Variants in AUTS2 observed in about 807,000 individuals in gnomAD.
AUTS2 encodes activator of transcription and developmental regulator AUTS2.
Under a neutral mutation model 112.4 loss-of-function variants are expected in AUTS2, and 17 were observed. The observed-to-expected ratio is 0.15, with a 90% confidence interval of 0.10 to 0.23. The LOEUF (loss-of-function observed/expected upper bound fraction) is 0.23, where lower values mean the gene tolerates loss of function less well. AUTS2 is among the 10% of genes least tolerant of loss of function. AUTS2 has a pLI of 1.00. For synonymous variants in AUTS2, 751 were observed against 702.7 expected, an observed-to-expected ratio of 1.07 and a Z score of -1.09; for missense variants, 1,510 against 1,701.6, an observed-to-expected ratio of 0.89 and a Z score of 1.98.
chr7:70,517,829 T>G (rs533753778), intron 5 of AUTS2, among the ~76,000 whole-genome samples: 209 of 152,170 alleles, frequency 1.4e-3, no homozygotes, highest in African/African-American at 4.9e-3. Flanking sequence ...ATAATTTGTA[T>G]ATACCCACAC....
At chr7:70,218,853 C>T (rs1415441693) in intron 4 of AUTS2, among the ~76,000 whole-genome samples, 1 of 151,998 alleles carries the variant, frequency 6.6e-6, no homozygotes, top group African/African-American at 2.4e-5. Context: ...GAAAACAGTG[C>T]AGTAGACCTA....
At chr7:70,703,171 C>T (rs1340602122) in intron 6 of AUTS2, among the ~76,000 whole-genome samples, 1 of 152,118 alleles carries the variant, frequency 6.6e-6, no homozygotes, top group Admixed American at 6.5e-5. Flanking sequence ...AGTTATATTA[C>T]CATCAAGGTC....
At chr7:69,751,320 A>G (rs1261281000) in intron 1 of AUTS2, among the ~76,000 whole-genome samples, 4 of 152,016 alleles carry the variant, frequency 2.6e-5, no homozygotes, top group Non-Finnish European at 5.9e-5. Context: ...ATTTCTTTCC[A>G]TTTGTTGCAT....
intron 5 of AUTS2, among the ~76,000 whole-genome samples, chr7:70,598,777 T>A (rs1241007966): frequency 2.6e-5 from 4 of 152,234 alleles, no homozygotes; most frequent in Non-Finnish European, 5.9e-5. Flanking sequence ...TCCCTTTTTT[T>A]TCTTTTTGTA....
intron 1 of AUTS2, among the ~76,000 whole-genome samples, chr7:69,733,491 T>C (rs1159422617): frequency 6.6e-6 from 1 of 152,160 alleles, no homozygotes; most frequent in Non-Finnish European, 1.5e-5. Context: ...TTGCAGGTGG[T>C]GACCCTGGTG....
At chr7:70,554,154 C>T (rs192450841) in intron 5 of AUTS2, among the ~76,000 whole-genome samples, 90 of 151,070 alleles carry the variant, frequency 6.0e-4, no homozygotes, top group Non-Finnish European at 1.1e-3. Context: ...ATGCAACCTC[C>T]GCCTCCTGGG....
At chr7:69,952,989 A>G (rs1042590748) in intron 2 of AUTS2, among the ~76,000 whole-genome samples, 4 of 152,280 alleles carry the variant, frequency 2.6e-5, no homozygotes, top group Middle Eastern at 3.4e-3. Context: ...GTTTCTTCCT[A>G]TGCTCAAGTT....
At chr7:69,960,936 A>C (rs1231029489) in intron 2 of AUTS2, among the ~76,000 whole-genome samples, 1 of 152,086 alleles carries the variant, frequency 6.6e-6, no homozygotes. Flanking sequence ...AGAGGAGGTC[A>C]TAAGTCATTT....
At chr7:70,010,019 ATCTT>A (rs1267267405) in intron 2 of AUTS2, among the ~76,000 whole-genome samples, 1 of 152,186 alleles carries the variant, frequency 6.6e-6, no homozygotes, top group Non-Finnish European at 1.5e-5. Context: ...ACAAGGCTTT[ATCTT>A]TCTTACTGCC....
At chr7:69,768,417 C>G (rs974003537) in intron 1 of AUTS2, among the ~76,000 whole-genome samples, 1 of 152,160 alleles carries the variant, frequency 6.6e-6, no homozygotes, top group Non-Finnish European at 1.5e-5. Flanking sequence ...ACACACAGAA[C>G]GGAGGTTACC....
intron 4 of AUTS2, among the ~76,000 whole-genome samples, chr7:70,140,479 A>T (rs1305948901): frequency 6.6e-6 from 1 of 152,190 alleles, no homozygotes; most frequent in African/African-American, 2.4e-5. Context: ...TAGTTTCAGA[A>T]GTACAGATAC....
rs141034197 is a variant in AUTS2, at chr7:70,565,667, G to A, written c.690+129886G>A. 9.2e-5 allele frequency among the ~76,000 whole-genome samples: 14 copies of A among 152,324 alleles called. 1 individual carries two copies. The East Asian group carries it at 1.5e-3, about 17-fold the overall frequency. The stretch of plus-strand genomic sequence containing the variant: ...TGTACTCCATCCTGGGTGATAGAGC[G>A]AGACACTGTCAATCCATCAAACAAT... On this transcript the variant is annotated intron_variant, in intron 5 of 18. Coordinates refer to ENST00000342771, the MANE Select transcript of AUTS2 (RefSeq NM_015570.4).
intron 1 of AUTS2, among the ~76,000 whole-genome samples, chr7:69,778,413 A>G (rs974541555): frequency 1.3e-5 from 2 of 151,798 alleles, no homozygotes; most frequent in Non-Finnish European, 2.9e-5. Context: ...AAAAAAACCC[A>G]TGCCAAGACC....
At position 70,791,105 on chromosome 7, in the gene AUTS2, C is replaced by T; in HGVS notation, c.*109C>T. On this transcript the variant is annotated 3_prime_UTR_variant, in exon 19 of 19. Coordinates refer to ENST00000342771, the MANE Select transcript of AUTS2 (RefSeq NM_015570.4). ...TCACACAGACTGGGGGGGAAAGCCC[C>T]ACCCCTTCCCCTTGTAAAAAATGTA... 1 of 1,138,110 alleles carries T rather than the reference C, an allele frequency of 8.8e-7. No homozygotes were observed. The highest frequency in any genetic ancestry group is 1.1e-6 in the Non-Finnish European group (1 of 876,232). 70.5% of individuals were successfully genotyped at this position (1,138,110 alleles called of 1,614,324 possible). A position where few individuals can be genotyped will look rare whatever the true frequency, so the allele number is the denominator to read the frequency against.
At chr7:70,079,917 G>A (rs1374310165) in intron 2 of AUTS2, among the ~76,000 whole-genome samples, 1 of 152,300 alleles carries the variant, frequency 6.6e-6, no homozygotes. Context: ...GTATCACAGT[G>A]TGGCAGAAGA....
In AUTS2 at chr7:70,241,697, A is replaced by G. The variant is rs79985166; in HGVS notation, c.660+107126A>G. On this transcript the variant is annotated intron_variant, in intron 4 of 18. Coordinates refer to ENST00000342771, the MANE Select transcript of AUTS2 (RefSeq NM_015570.4). ...TGCAGTATGAACAAACTCACAAAAT[A>G]TTCTTGTGCTTCTTTGGGGAATACT... 4.4e-3 allele frequency among the ~76,000 whole-genome samples: 666 copies of G among 152,308 alleles called. 8 individuals are homozygous for G. Among genetic ancestry groups the G allele is most frequent in the African/African-American group, 0.016 (649 of 41,578 alleles).
chr7:70,665,555 C>G (rs1350897693), intron 5 of AUTS2, among the ~76,000 whole-genome samples: 2 of 152,046 alleles, frequency 1.3e-5, no homozygotes, highest in East Asian at 3.9e-4. Flanking sequence ...CCCGCCTCGG[C>G]CTCCCAAAGT....
In AUTS2 at chr7:69,677,838, G is replaced by A. The variant is rs150067503; in HGVS notation, c.309+77876G>A. 1.4e-4 allele frequency among the ~76,000 whole-genome samples: 21 copies of A among 152,280 alleles called. No individual in the cohort carries two copies. The East Asian group carries it at 3.9e-3, about 28-fold the overall frequency. On this transcript the variant is annotated intron_variant, in intron 1 of 18. Transcript: ENST00000342771. ...AAAGCAAACTTAGACAGAAGCAGGA[G>A]CATTTGCAAATTACATAGCTTTGAG... is the stretch of plus-strand genomic sequence containing the variant.
chr7:69,807,642 G>C (rs1341587422), intron 1 of AUTS2, among the ~76,000 whole-genome samples: 1 of 152,106 alleles, frequency 6.6e-6, no homozygotes, highest in Non-Finnish European at 1.5e-5. Context: ...TTAATGTTTA[G>C]TTTCCTGGAC....
Sources: gnomAD v4.1 joint callset for allele counts (sites outside exome capture counted in the v4.1 genomes callset) on GRCh38, gnomAD v4.1.1 for gene constraint, MANE v1.5 for transcripts, NCBI Gene and HGNC (gene_info 2026-07-23, HGNC 2026-07-21) for gene names.